Variants in SBF2 observed in about 807,000 individuals in gnomAD.
SBF2 encodes myotubularin-related protein 13.
SBF2 carries 112 observed loss-of-function variants against 225.2 expected under a neutral mutation model. That is an observed-to-expected ratio of 0.50 (90% CI 0.43 to 0.58). SBF2 has a LOEUF of 0.58. Ranked by LOEUF, SBF2 falls within the 20% of genes least tolerant of loss-of-function variation. The pLI, the probability that SBF2 is intolerant of heterozygous loss-of-function variation, is 0.00. For synonymous variants in SBF2, 763 were observed against 773.3 expected (o/e 0.99, Z 0.22); for missense variants, 1,996 against 2,206.2 (o/e 0.90, Z 1.91).
At chr11:10,243,207 CAA>C (rs1388913109) in intron 1 of SBF2, among the ~76,000 whole-genome samples, 1 of 151,636 alleles carries the variant, frequency 6.6e-6, no homozygotes, top group Non-Finnish European at 1.5e-5. Context: ...GGAAATTAAA[CAA>C]TATATTCTGG....
chr11:10,002,397 T>C (rs1254614516), intron 7 of SBF2, among the ~76,000 whole-genome samples, 160 bp downstream of exon 7: 1 of 152,182 alleles, frequency 6.6e-6, no homozygotes, highest in Non-Finnish European at 1.5e-5. Context: ...AAGTCTCAAA[T>C]TCTAGACTAG....
rs1952595709 is a variant in SBF2, at chr11:10,107,225, T to C, written c.142-64244A>G. ...AAAAACTTGACACAAATATTCATAG[T>C]AACTTAATTTATAATAGCCAAAAAA... is the stretch of plus-strand genomic sequence containing the variant. On this transcript the variant is annotated intron_variant, in intron 2 of 39. Coordinates refer to ENST00000256190, the MANE Select transcript of SBF2 (RefSeq NM_030962.4). Among the ~76,000 whole-genome samples the C allele has an allele frequency of 2.6e-5, 4 of 152,344 alleles. No homozygotes were observed. In the South Asian group the frequency reaches 8.3e-4, roughly 32 times the overall value.
chr11:10,135,279 T>G (rs1180525109), intron 2 of SBF2, among the ~76,000 whole-genome samples: 2 of 151,936 alleles, frequency 1.3e-5, no homozygotes, highest in Non-Finnish European at 1.5e-5. Context: ...AGGAAACCAT[T>G]TTTTCCTCCT....
chr11:10,252,556 C>A (rs1960461466), intron 1 of SBF2, among the ~76,000 whole-genome samples: 1 of 152,228 alleles, frequency 6.6e-6, no homozygotes. Flanking sequence ...GTAATCCCAG[C>A]ACTTTGGGAG....
At chr11:9,966,954 T>C (rs1045150129) in intron 14 of SBF2, among the ~76,000 whole-genome samples, 2 of 152,152 alleles carry the variant, frequency 1.3e-5, no homozygotes, top group South Asian at 4.1e-4. Context: ...ATCTTGCACA[T>C]AAATGTTCAC....
intron 2 of SBF2, among the ~76,000 whole-genome samples, chr11:10,137,595 T>C (rs184140009): frequency 6.6e-6 from 1 of 152,232 alleles, no homozygotes; most frequent in Admixed American, 6.5e-5. Context: ...TAAGATTTTT[T>C]AAAAATTATA....
At chr11:9,811,422 T>G (rs548732652) in intron 30 of SBF2, 1 of 152,350 alleles carries the variant, frequency 6.6e-6, no homozygotes, top group African/African-American at 2.4e-5. Context: ...TCCACTGTCT[T>G]TAGTCCCTAT....
chr11:9,967,473 AT>A lies in SBF2; in HGVS notation c.1600+867del, dbSNP rs564062336. ...AAAGAAGCCAGTCATAAAAGATTACATTTTGTATAATTCTATTTATATAAAA... is the reference window on the plus strand; with the variant it reads ...AAAGAAGCCAGTCATAAAAGATTACATTTGTATAATTCTATTTATATAAAA... On this transcript the variant is annotated intron_variant, in intron 14 of 39. Coordinates refer to ENST00000256190, the MANE Select transcript of SBF2 (RefSeq NM_030962.4). Among the ~76,000 whole-genome samples, 5 of 152,352 alleles carry A rather than the reference AT, an allele frequency of 3.3e-5. No individual in the cohort carries two copies. In the South Asian group the frequency reaches 1.0e-3, roughly 32 times the overall value.
chr11:10,031,596 G>A (rs1307046927), intron 3 of SBF2, among the ~76,000 whole-genome samples: 1 of 152,232 alleles, frequency 6.6e-6, no homozygotes, highest in South Asian at 2.1e-4. Flanking sequence ...TAATTTTCAT[G>A]TTGGTTTTTC....
At chr11:10,194,078 G>A in intron 1 of SBF2, 91 bp from the exon 2 acceptor site, 1 of 898,660 alleles carries the variant, frequency 1.1e-6, no homozygotes, top group South Asian at 1.4e-5. Flanking sequence ...ATGAATATTT[G>A]GTAAATAAGT....
intron 1 of SBF2, among the ~76,000 whole-genome samples, chr11:10,276,125 T>G (rs1962944179): frequency 6.6e-6 from 1 of 152,172 alleles, no homozygotes; most frequent in Non-Finnish European, 1.5e-5. Flanking sequence ...CTACCATAAT[T>G]AGGAATCTGG....
chr11:10,254,639 C>A (rs115923314), intron 1 of SBF2, among the ~76,000 whole-genome samples: 3,213 of 150,864 alleles, frequency 0.021, 87 homozygotes, highest in African/African-American at 0.064. Flanking sequence ...GGCACCGAGG[C>A]TCACGCCTGT....
chr11:10,046,056 G>A (rs901439658), intron 2 of SBF2, among the ~76,000 whole-genome samples: 2 of 151,822 alleles, frequency 1.3e-5, no homozygotes, highest in Non-Finnish European at 2.9e-5. Context: ...CATTGTCTTA[G>A]GTATAAGTAA....
intron 2 of SBF2, among the ~76,000 whole-genome samples, chr11:10,183,455 T>C (rs1444820143): frequency 1.3e-5 from 2 of 152,250 alleles, no homozygotes; most frequent in Admixed American, 6.5e-5. Context: ...GAAACTTTAA[T>C]CAGTCACGGT....
intron 10 of SBF2, 151 bp downstream of exon 10, chr11:9,993,770 C>T: frequency 1.3e-6 from 1 of 753,922 alleles, no homozygotes; most frequent in Non-Finnish European, 2.1e-6. Flanking sequence ...GACATAAGGA[C>T]AGTCAGCGGC....
At chr11:9,836,847 C>T (rs1054383013) in intron 26 of SBF2, among the ~76,000 whole-genome samples, 4 of 151,996 alleles carry the variant, frequency 2.6e-5, no homozygotes, top group Admixed American at 2.6e-4. Context: ...AGGAATAATA[C>T]CAAAATAGCA....
chr11:10,248,891 T>A (rs1445265124), intron 1 of SBF2, among the ~76,000 whole-genome samples: 1 of 152,102 alleles, frequency 6.6e-6, no homozygotes, highest in Non-Finnish European at 1.5e-5. Context: ...GTCAGGAGAT[T>A]GAGACCATCC....
At chr11:10,063,275 G>GT (rs1950510445) in intron 2 of SBF2, among the ~76,000 whole-genome samples, 1 of 150,998 alleles carries the variant, frequency 6.6e-6, no homozygotes, top group Admixed American at 6.6e-5. Flanking sequence ...CCCGACACAT[G>GT]TTTATCTATG....
chr11:10,043,184 A>G (rs1949721728), intron 2 of SBF2, among the ~76,000 whole-genome samples: 2 of 152,178 alleles, frequency 1.3e-5, no homozygotes, highest in Non-Finnish European at 2.9e-5. Flanking sequence ...TTTCATGAAG[A>G]TAGCCTCGAT....
Sources: allele counts gnomAD v4.1 joint callset (sites outside exome capture counted in the v4.1 genomes callset), GRCh38; gene constraint gnomAD v4.1.1; transcripts MANE v1.5; gene names NCBI Gene and HGNC (gene_info 2026-07-23, HGNC 2026-07-21).